Variants in MYH10 observed in about 807,000 individuals in gnomAD.
The protein encoded by MYH10 is myosin heavy chain 10.
MYH10 carries 55 observed loss-of-function variants against 257.8 expected under a neutral mutation model. The ratio of observed to expected loss-of-function variants is 0.21; its 90% CI spans 0.17 to 0.27. The LOEUF is 0.27. Ranked by LOEUF, MYH10 falls within the 10% of genes least tolerant of loss-of-function variation. The pLI is 1.00. For missense variants in MYH10, 1,631 were observed against 2,500.6 expected (o/e 0.65, Z 7.42); for synonymous variants, 854 against 921.7 (o/e 0.93, Z 1.33).
In MYH10 at chr17:8,569,592, T is replaced by C; in HGVS notation, c.756+128A>G. ...TTTAAAATTACATGTGAGCTTGTAT[T>C]ATGTCTACAGAACTACATCTATTAG... On this transcript the variant is annotated intron_variant, in intron 7 of 42. Coordinates refer to ENST00000360416, the MANE Select transcript of MYH10 (RefSeq NM_001256012.3). The surrounding 1 kb of genome is among the most constrained non-coding windows in gnomAD (Gnocchi z 4.1). 1.7e-6 allele frequency: 1 copy of C among 578,896 alleles called. No homozygotes were observed. The highest frequency in any genetic ancestry group is 2.8e-6 in the Non-Finnish European group (1 of 357,608). The allele number at this position is 578,896 out of a possible 1,614,324, so 35.9% of individuals were successfully genotyped here. A position where few individuals can be genotyped will look rare whatever the true frequency, so the allele number is the denominator to read the frequency against.
chr17:8,627,886 C>A (rs1258205021), intron 1 of MYH10, among the ~76,000 whole-genome samples: 1 of 152,194 alleles, frequency 6.6e-6, no homozygotes, highest in East Asian at 1.9e-4. Flanking sequence ...GATGAGGAAT[C>A]TGAGGTACAG....
rs368431135 is a variant in MYH10, at chr17:8,504,950, C to T, written c.3387-44G>A. The T allele has an allele frequency of 8.5e-5, 132 of 1,554,514 alleles. No individual in the cohort carries two copies. The highest frequency in any genetic ancestry group is 4.0e-4 in the South Asian group (36 of 89,346). ...GCAAGAGGCACTCAGAGATGGCACCCGGATGGCCTGTTTCTCAGGCGAGCC... is the reference window on the plus strand; with the variant it reads ...GCAAGAGGCACTCAGAGATGGCACCTGGATGGCCTGTTTCTCAGGCGAGCC... On this transcript the variant is annotated intron_variant, in intron 27 of 42. Coordinates refer to ENST00000360416, the MANE Select transcript of MYH10 (RefSeq NM_001256012.3). The surrounding 1 kb of genome is among the most constrained non-coding windows in gnomAD (Gnocchi z 5.6).
rs776558025 is a variant in MYH10, at chr17:8,589,122, C to A, written c.503-14G>T. The A allele has an allele frequency of 3.1e-6, 5 of 1,608,712 alleles. No individual in the cohort carries two copies. Among genetic ancestry groups the A allele is most frequent in the Non-Finnish European group, 4.2e-6 (5 of 1,177,976 alleles). On this transcript the variant is annotated splice_polypyrimidine_tract_variant and intron_variant, in intron 3 of 42. Transcript: ENST00000360416. ...GGTCCTCACGATCTATAAAACAGAA[C>A]AAAACAAACAAAAAAAAGAAAGTGA...
rs773024037 is a variant in MYH10 at position 8,508,831 on chromosome 17, C to T, written c.3091-154G>A. On this transcript the variant is annotated intron_variant, in intron 25 of 42. Transcript: ENST00000360416. ...CTGTACACAATCACATGCTGCAGAA[C>T]GATGTTTTGGACAATGATGAACCGG... is the stretch of plus-strand genomic sequence containing the variant. 5.9e-5 allele frequency among the ~76,000 whole-genome samples: 9 copies of T among 152,164 alleles called. 1 individual carries two copies. Among genetic ancestry groups the T allele is most frequent in the South Asian group, 4.1e-4 (2 of 4,826 alleles).
intron 35 of MYH10, among the ~76,000 whole-genome samples, chr17:8,489,743 A>ACACACACACACACACC (rs1437818172): frequency 5.5e-4 from 82 of 150,256 alleles, no homozygotes; most frequent in South Asian, 2.1e-3. Context: ...ACACACACAC[A>ACACACACACACACACC]CACCCCAAAT....
Position 8,500,820 on chromosome 17 carries a change from C to T in MYH10, c.3744+6G>A. ...AGGCCACAGCACACGGCAGGGCCTCCCTTACCCGCTTGGCCTGTTCCAGCT... is the reference window on the plus strand; with the variant it reads ...AGGCCACAGCACACGGCAGGGCCTCTCTTACCCGCTTGGCCTGTTCCAGCT... On this transcript the variant is annotated splice_donor_region_variant and intron_variant, in intron 29 of 42. Coordinates refer to ENST00000360416, the MANE Select transcript of MYH10 (RefSeq NM_001256012.3). The T allele has an allele frequency of 6.2e-7, 1 of 1,611,672 alleles. No individual in the cohort carries two copies. Among genetic ancestry groups the T allele is most frequent in the Non-Finnish European group, 8.5e-7 (1 of 1,179,658 alleles).
chr17:8,603,925 T>C (rs1317359140), intron 3 of MYH10, among the ~76,000 whole-genome samples: 1 of 152,196 alleles, frequency 6.6e-6, no homozygotes, highest in East Asian at 1.9e-4. Context: ...TGGTATATAA[T>C]AAGTATCCAA....
chr17:8,523,576 G>A (rs1020646177), intron 17 of MYH10, among the ~76,000 whole-genome samples: 1 of 152,160 alleles, frequency 6.6e-6, no homozygotes, highest in African/African-American at 2.4e-5. Flanking sequence ...CCAGCACGGA[G>A]GAGGAGGCAC....
intron 2 of MYH10, among the ~76,000 whole-genome samples, chr17:8,609,847 A>G (rs968879318): frequency 5.9e-5 from 9 of 152,132 alleles, no homozygotes. Flanking sequence ...CAGAGGAAGG[A>G]TAACTAACAT....
rs571905615 is a variant in MYH10, at chr17:8,487,189, G to A, written c.5046+244C>T. On this transcript the variant is annotated intron_variant, in intron 36 of 42. Coordinates refer to ENST00000360416, the MANE Select transcript of MYH10 (RefSeq NM_001256012.3). ...TGAGGAAGGGTGGGTTTTAAGCATC[G>A]CCACAGGCTCTCAGGGCCACAGGAG... Among the ~76,000 whole-genome samples, 5 of 152,326 alleles carry A rather than the reference G, an allele frequency of 3.3e-5. No individual in the cohort carries two copies. In the South Asian group the frequency reaches 6.2e-4, roughly 19 times the overall value.
At chr17:8,547,596 C>T (rs947885038) in intron 11 of MYH10, among the ~76,000 whole-genome samples, 4 of 151,658 alleles carry the variant, frequency 2.6e-5, no homozygotes, top group South Asian at 2.1e-4. Flanking sequence ...AGCCTTCACC[C>T]GCCACAGTGG....
intron 3 of MYH10, among the ~76,000 whole-genome samples, chr17:8,591,762 C>G (rs1310016043): frequency 6.6e-6 from 1 of 152,166 alleles, no homozygotes; most frequent in East Asian, 1.9e-4. Flanking sequence ...CCCCACGCTT[C>G]TTGCTATCCC....
At chr17:8,530,767 C>T in intron 16 of MYH10, 82 bp from the exon 17 acceptor site, 3 of 1,069,534 alleles carry the variant, frequency 2.8e-6, no homozygotes, top group South Asian at 3.1e-5. Flanking sequence ...TTTGACAGCA[C>T]AAGTCAACTT....
chr17:8,589,685 T>C (rs917358862), intron 3 of MYH10, among the ~76,000 whole-genome samples: 3 of 152,138 alleles, frequency 2.0e-5, no homozygotes, highest in African/African-American at 7.2e-5. Context: ...CATCTATAAA[T>C]ATAGTCTCAA....
intron 7 of MYH10, among the ~76,000 whole-genome samples, chr17:8,557,573 C>T (rs1214762096): frequency 6.6e-6 from 1 of 152,176 alleles, no homozygotes; most frequent in African/African-American, 2.4e-5. Flanking sequence ...CTAAGAAATA[C>T]TTGACGAGCT....
chr17:8,606,922 C>A (rs1375035952), intron 2 of MYH10, among the ~76,000 whole-genome samples: 2 of 152,176 alleles, frequency 1.3e-5, no homozygotes, highest in Non-Finnish European at 2.9e-5. Context: ...CCCTGGCTGG[C>A]CCTTGGGGTT....
At position 8,521,298 on chromosome 17, in the gene MYH10, AAGG is replaced by A; in HGVS notation, c.1958-16_1958-14del. On this transcript the variant is annotated splice_polypyrimidine_tract_variant and intron_variant, in intron 17 of 42. Transcript: ENST00000360416. ...ACGATACGGTCCACTGGGGAGAAGA[AAGG>A]AGAAAACAAATATAAGCCAAACCTC... is the stretch of plus-strand genomic sequence containing the variant. The A allele has an allele frequency of 6.2e-7, 1 of 1,613,132 alleles. No individual in the cohort carries two copies. The highest frequency in any genetic ancestry group is 8.5e-7 in the Non-Finnish European group (1 of 1,179,098).
intron 11 of MYH10, 127 bp downstream of exon 11, chr17:8,548,183 ATGT>A (rs2082505982): frequency 1.6e-6 from 1 of 622,036 alleles, no homozygotes. Flanking sequence ...TAAATACACG[ATGT>A]TGTCACTCTA....
intron 17 of MYH10, among the ~76,000 whole-genome samples, chr17:8,528,657 C>T (rs2081926766): frequency 1.3e-5 from 2 of 152,120 alleles, no homozygotes; most frequent in African/African-American, 4.8e-5. Flanking sequence ...GAGGTGCTTA[C>T]CATATGTCAG....
Sources: allele counts gnomAD v4.1 joint callset (sites outside exome capture counted in the v4.1 genomes callset), GRCh38; gene constraint gnomAD v4.1.1; non-coding constraint Gnocchi (gnomAD v3.1); transcripts MANE v1.5; gene names NCBI Gene and HGNC (gene_info 2026-07-23, HGNC 2026-07-21).